Variants in LPA observed in about 807,000 individuals in gnomAD.
LPA encodes the protein apolipoprotein(a).
Under a neutral mutation model 197.9 loss-of-function variants are expected in LPA, and 199 were observed. The ratio of observed to expected loss-of-function variants is 1.01; its 90% CI spans 0.90 to 1.13. The LOEUF (loss-of-function observed/expected upper bound fraction) is 1.13. Among genes scored for constraint, LPA ranks in the 50% most tolerant of loss-of-function variants. The pLI is 0.00. For missense variants in LPA, 1,853 were observed against 1,785.8 expected (o/e 1.04, Z -0.68); for synonymous variants, 715 against 639.5 (o/e 1.12, Z -1.78).
chr6:160,620,629 TC>T (rs1779603725), intron 12 of LPA, among the ~76,000 whole-genome samples: 1 of 103,792 alleles, frequency 9.6e-6, no homozygotes, highest in Non-Finnish European at 1.9e-5. Flanking sequence ...CCCTATGTGA[TC>T]CCTTGAGTTT....
At chr6:160,591,775 G>A (rs1418850980) in intron 22 of LPA, among the ~76,000 whole-genome samples, 1 of 152,032 alleles carries the variant, frequency 6.6e-6, no homozygotes, top group Non-Finnish European at 1.5e-5. Flanking sequence ...CTGTTTCATG[G>A]ATTTACTCCT....
intron 16 of LPA, among the ~76,000 whole-genome samples, chr6:160,608,812 T>C (rs1779416592): frequency 7.8e-6 from 1 of 128,444 alleles, no homozygotes; most frequent in South Asian, 2.4e-4. Flanking sequence ...TCACTATTTC[T>C]TGAGGGTTGT....
At chr6:160,550,454 A>G (rs888876914) in intron 30 of LPA, among the ~76,000 whole-genome samples, 1 of 152,210 alleles carries the variant, frequency 6.6e-6, no homozygotes, top group African/African-American at 2.4e-5. Context: ...TCTCCATTCC[A>G]GCAAGCTGGT....
chr6:160,554,066 C>T (rs1401459715), intron 30 of LPA, among the ~76,000 whole-genome samples: 1 of 151,992 alleles, frequency 6.6e-6, no homozygotes, highest in Admixed American at 6.6e-5. Flanking sequence ...TTAAGGCCAT[C>T]CAGTGAGTAT....
chr6:160,608,945 A>T (rs1178397095), intron 16 of LPA, among the ~76,000 whole-genome samples: 2 of 151,948 alleles, frequency 1.3e-5, no homozygotes, highest in Non-Finnish European at 2.9e-5. Flanking sequence ...TCCTATTCAG[A>T]AATGTCTAAA....
chr6:160,611,381 G>A (rs1365876148), intron 16 of LPA, among the ~76,000 whole-genome samples, 181 bp downstream of exon 16: 1 of 152,038 alleles, frequency 6.6e-6, no homozygotes, highest in Non-Finnish European at 1.5e-5. Flanking sequence ...AGGAAGGTGA[G>A]GCAGCTTAAC....
intron 22 of LPA, among the ~76,000 whole-genome samples, chr6:160,591,817 CA>C (rs1381372073): frequency 1.6e-5 from 2 of 124,426 alleles, no homozygotes; most frequent in East Asian, 2.3e-4. Context: ...CACTGAATGT[CA>C]TTGGTTTGGA....
At chr6:160,557,672 G>T (rs964882806) in intron 28 of LPA, 101 bp from the exon 29 acceptor site, 1 of 1,006,870 alleles carries the variant, frequency 9.9e-7, no homozygotes, top group Non-Finnish European at 1.6e-6. Context: ...AAAAAGTGAC[G>T]TTGTAATATT....
Position 160,606,578 on chromosome 6 carries a change from C to G in LPA, c.2684G>C (p.Trp895Ser). 1 of 1,613,888 alleles carries G rather than the reference C, an allele frequency of 6.2e-7. No individual in the cohort carries two copies. The highest frequency in any genetic ancestry group is 8.5e-7 in the Non-Finnish European group (1 of 1,179,918). Residue 895 changes from tryptophan (W) to serine (S), a missense_variant, in exon 17 of 39, where the codon TGG becomes TCG. This residue lies in a region of LPA where 1,737 missense variants were observed against 1,504.4 expected (regional missense o/e 1.15). Transcript: ENST00000316300. The part of the protein sequence containing the change: ...YCYTRDPSVR[W>S]EYCNLTQCSD... ...GCATTGTGTCAGGTTGCAGTACTCC[C>G]ACCTGACACTGGGATCCCTCGTATA...
At chr6:160,650,608 T>C in intron 1 of LPA, 111 bp from the exon 2 acceptor site, 1 of 1,023,414 alleles carries the variant, frequency 9.8e-7, no homozygotes, top group African/African-American at 1.6e-5. Context: ...GACCATTCTC[T>C]TCTCTTGATT....
intron 28 of LPA, among the ~76,000 whole-genome samples, chr6:160,568,027 C>T (rs1778490939): frequency 6.6e-6 from 1 of 152,096 alleles, no homozygotes; most frequent in South Asian, 2.1e-4. Flanking sequence ...AAAAAAAGTC[C>T]AGGAGAGATT....
chr6:160,583,232 G>T (rs920616496), intron 26 of LPA, among the ~76,000 whole-genome samples: 3 of 151,306 alleles, frequency 2.0e-5, no homozygotes, highest in Non-Finnish European at 3.0e-5. Flanking sequence ...CTTTTTGTAT[G>T]TTTAGCAAAT....
chr6:160,611,512 G>C, intron 16 of LPA, 50 bp downstream of exon 16: 3 of 1,603,240 alleles, frequency 1.9e-6, no homozygotes, highest in Non-Finnish European at 2.5e-6. Flanking sequence ...TCTTGTCACA[G>C]AAACTTCAGT....
Position 160,654,004 on chromosome 6 carries a change from A to AGTATATATT in LPA, c.50-3508_50-3507insAATATATAC, listed in dbSNP as rs1562354694. Among the ~76,000 whole-genome samples, 16 of 5,914 alleles carry AGTATATATT rather than the reference A, an allele frequency of 2.7e-3. 2 individuals carry two copies. Among genetic ancestry groups the AGTATATATT allele is most frequent in the African/African-American group, 8.8e-3 (15 of 1,714 alleles). The allele number at this position is 5,914 out of a possible 152,430, so 3.9% of individuals were successfully genotyped here. A position where few individuals can be genotyped will look rare whatever the true frequency, so the allele number is the denominator to read the frequency against. ...ATAATATATAATATATATTATATAT[A>AGTATATATT]ATATATATTATATATAATATATAAT... On this transcript the variant is annotated intron_variant, in intron 1 of 38. Transcript: ENST00000316300.
chr6:160,609,083 A>G (rs751430375), intron 16 of LPA, among the ~76,000 whole-genome samples: 5 of 152,058 alleles, frequency 3.3e-5, no homozygotes, highest in Non-Finnish European at 5.9e-5. Context: ...TTACATATTC[A>G]TCTTTTTTTA....
At chr6:160,548,367 C>A in intron 31 of LPA, 111 bp downstream of exon 31, 1 of 1,099,716 alleles carries the variant, frequency 9.1e-7, no homozygotes, top group East Asian at 2.5e-5. Flanking sequence ...CTCGAGCTCC[C>A]GTGTAGCACT....
intron 26 of LPA, among the ~76,000 whole-genome samples, chr6:160,584,273 T>TTCTTCTTCTTCC (rs1205876754): frequency 3.5e-4 from 36 of 102,134 alleles, no homozygotes; most frequent in Non-Finnish European, 7.2e-4. Flanking sequence ...CCTCTTCCTC[T>TTCTTCTTCTTCC]TCTTCTTCTT....
At chr6:160,611,268 G>A (rs1779506470) in intron 16 of LPA, among the ~76,000 whole-genome samples, 1 of 152,142 alleles carries the variant, frequency 6.6e-6, no homozygotes, top group Non-Finnish European at 1.5e-5. Flanking sequence ...CTTAGTGGGT[G>A]TTGGGCAAGG....
chr6:160,553,937 C>CG (rs1778208136), intron 30 of LPA, among the ~76,000 whole-genome samples: 5 of 139,138 alleles, frequency 3.6e-5, no homozygotes, highest in African/African-American at 1.4e-4. Context: ...CTCTCTCTCT[C>CG]TGTGTGTGTG....
Sources: allele counts gnomAD v4.1 joint callset (sites outside exome capture counted in the v4.1 genomes callset), GRCh38; gene constraint gnomAD v4.1.1; regional missense constraint gnomAD v4.1.1; transcripts MANE v1.5; gene names NCBI Gene and HGNC (gene_info 2026-07-23, HGNC 2026-07-21).